Variants in FOXO3 observed in about 807,000 individuals in gnomAD.
The protein encoded by FOXO3 is forkhead box O3, also known as forkhead box protein O3.
FOXO3 carries 4 observed loss-of-function variants against 41.9 expected under a neutral mutation model. The ratio of observed to expected loss-of-function variants is 0.10; its 90% CI spans 0.05 to 0.22. The LOEUF is 0.22. FOXO3 is among the 10% of genes least tolerant of loss of function. The pLI is 1.00. For synonymous variants in FOXO3, 318 were observed against 389.3 expected, an observed-to-expected ratio of 0.82 and a Z score of 2.16; for missense variants, 534 against 906.8, an observed-to-expected ratio of 0.59 and a Z score of 5.28.
chr6:108,656,479 T>G (rs1778691945), intron 1 of FOXO3: 1 of 985,296 alleles, frequency 1.0e-6, no homozygotes, highest in East Asian at 1.1e-4. Flanking sequence ...TTTGAAATCC[T>G]TTCCTGGAAG....
At chr6:108,569,828 T>C (rs567584760) in intron 1 of FOXO3, among the ~76,000 whole-genome samples, 1 of 151,866 alleles carries the variant, frequency 6.6e-6, no homozygotes, top group African/African-American at 2.4e-5. Context: ...AACAAACAAA[T>C]AAACAAACAG....
chr6:108,597,633 A>G (rs1333797132), intron 1 of FOXO3, among the ~76,000 whole-genome samples: 1 of 152,204 alleles, frequency 6.6e-6, no homozygotes, highest in Non-Finnish European at 1.5e-5. Context: ...ACCAGTCTCC[A>G]GAGTCCATGG....
At chr6:108,621,701 C>T (rs1777667980) in intron 1 of FOXO3, among the ~76,000 whole-genome samples, 1 of 152,120 alleles carries the variant, frequency 6.6e-6, no homozygotes, top group African/African-American at 2.4e-5. Context: ...TACCTGAAGC[C>T]TCACAGTGGC....
chr6:108,560,379 C>A (rs1196438481), upstream of FOXO3, among the ~76,000 whole-genome samples: 1 of 152,222 alleles, frequency 6.6e-6, no homozygotes, highest in East Asian at 1.9e-4. Context: ...GTGGCCGTCC[C>A]CGCCGGGCTC....
chr6:108,611,793 G>A (rs1462922048), intron 1 of FOXO3, among the ~76,000 whole-genome samples: 3 of 151,350 alleles, frequency 2.0e-5, no homozygotes, highest in African/African-American at 7.3e-5. Context: ...AGTATTGCCA[G>A]TACTTTTTCT....
chr6:108,620,662 G>A (rs1390051350), intron 1 of FOXO3, among the ~76,000 whole-genome samples: 1 of 121,626 alleles, frequency 8.2e-6, no homozygotes, highest in Admixed American at 9.2e-5. Flanking sequence ...TTTGTTTATA[G>A]TAATAACAAT....
chr6:108,561,751 C>T lies in FOXO3; in HGVS notation c.543C>T (p.Ser181=). The part of the protein sequence containing the change: ...ESSPDKRLTL[S]QIYEWMVRCV... ...CCCCGGACAAACGGCTCACTCTGTC[C>T]CAGATCTACGAGTGGATGGTGCGTT... Residue 181 remains serine, a synonymous_variant, in exon 1 of 3, where the codon TCC becomes TCT. Coordinates refer to ENST00000406360, the MANE Select transcript of FOXO3 (RefSeq NM_001455.4). 5.6e-6 allele frequency: 9 copies of T among 1,606,904 alleles called. No homozygotes were observed. Among genetic ancestry groups the T allele is most frequent in the Non-Finnish European group, 7.6e-6 (9 of 1,177,222 alleles).
intron 1 of FOXO3, among the ~76,000 whole-genome samples, chr6:108,568,101 T>C (rs1775994849): frequency 2.0e-5 from 3 of 151,514 alleles, no homozygotes; most frequent in Non-Finnish European, 1.5e-5. Context: ...TAGTCCCAGC[T>C]GCTTGAGAGG....
chr6:108,681,023 C>CA lies in FOXO3; in HGVS notation c.*1233dup, dbSNP rs1770828741. 1 of 152,634 alleles carries CA rather than the reference C, an allele frequency of 6.6e-6. No homozygotes were observed. Among genetic ancestry groups the CA allele is most frequent in the Non-Finnish European group, 1.5e-5 (1 of 68,042 alleles). 9.5% of individuals were successfully genotyped at this position (152,634 alleles called of 1,614,324 possible). A position where few individuals can be genotyped will look rare whatever the true frequency, so the allele number is the denominator to read the frequency against. Reference sequence around the variant, plus strand: ...TTAGGTTGTAATTGTACAAGTGACTCAATGGAAGTACAAAATAGGGCAGTT... The same window carrying CA: ...TTAGGTTGTAATTGTACAAGTGACTCAAATGGAAGTACAAAATAGGGCAGTT... On this transcript the variant is annotated 3_prime_UTR_variant, in exon 3 of 3. Coordinates refer to ENST00000406360, the MANE Select transcript of FOXO3 (RefSeq NM_001455.4).
intron 2 of FOXO3, among the ~76,000 whole-genome samples, chr6:108,672,074 A>T (rs1779230406): frequency 6.6e-6 from 1 of 152,206 alleles, no homozygotes; most frequent in Admixed American, 6.5e-5. Context: ...CAGCTGCCTT[A>T]GAGCCTCAAG....
At chr6:108,645,852 A>T (rs1490285979) in intron 1 of FOXO3, among the ~76,000 whole-genome samples, 1 of 152,236 alleles carries the variant, frequency 6.6e-6, no homozygotes, top group Non-Finnish European at 1.5e-5. Context: ...AATCTAATTT[A>T]TACTAAAGTT....
chr6:108,570,394 G>C (rs1285328992), intron 1 of FOXO3, among the ~76,000 whole-genome samples: 1 of 152,034 alleles, frequency 6.6e-6, no homozygotes, highest in African/African-American at 2.4e-5. Context: ...GCTCTCCACA[G>C]CTTCAAACTC....
chr6:108,580,061 T>C lies in FOXO3; in HGVS notation c.621+18232T>C, dbSNP rs1468975482. 3.3e-5 allele frequency among the ~76,000 whole-genome samples: 5 copies of C among 152,136 alleles called. No individual in the cohort carries two copies. In the East Asian group the frequency reaches 9.6e-4, roughly 29 times the overall value. On this transcript the variant is annotated intron_variant, in intron 1 of 2. Coordinates refer to ENST00000406360, the MANE Select transcript of FOXO3 (RefSeq NM_001455.4). ...TGTTGGTGTGAATGGGTGTGATGTA[T>C]ACAGTCATAACCTTAGATTTATCTA...
intron 2 of FOXO3, among the ~76,000 whole-genome samples, chr6:108,670,866 C>T (rs1429244601): frequency 1.3e-5 from 2 of 152,100 alleles, no homozygotes; most frequent in Non-Finnish European, 2.9e-5. Context: ...GGCTAGCTGC[C>T]CGGCAAAGTG....
chr6:108,588,402 C>A lies in FOXO3; in HGVS notation c.621+26573C>A, dbSNP rs541402461. Among the ~76,000 whole-genome samples the A allele has an allele frequency of 3.9e-5, 6 of 152,048 alleles. No homozygotes were observed. In the South Asian group the frequency reaches 1.2e-3, roughly 31 times the overall value. ...AAAAAGGTAAATGGAGGCAGTTGCA[C>A]AATTACATTTGTTTAATGAGCTTTT... On this transcript the variant is annotated intron_variant, in intron 1 of 2. Transcript: ENST00000406360.
At chr6:108,661,262 T>C (rs1031271583) in intron 1 of FOXO3, among the ~76,000 whole-genome samples, 1 of 151,992 alleles carries the variant, frequency 6.6e-6, no homozygotes, top group South Asian at 2.1e-4. Flanking sequence ...GGGAACATTC[T>C]GGTAGAAGCA....
chr6:108,617,681 T>C (rs894044694), intron 1 of FOXO3, among the ~76,000 whole-genome samples: 2 of 152,202 alleles, frequency 1.3e-5, no homozygotes, highest in African/African-American at 4.8e-5. Context: ...CTTACTGGAA[T>C]ATGAAGAGCA....
chr6:108,676,176 G>C (rs1057363667), intron 2 of FOXO3, among the ~76,000 whole-genome samples: 1 of 152,114 alleles, frequency 6.6e-6, no homozygotes, highest in Non-Finnish European at 1.5e-5. Context: ...TTGTTTATTG[G>C]GCAGGGAGGG....
At chr6:108,578,128 G>T (rs534268099) in intron 1 of FOXO3, among the ~76,000 whole-genome samples, 9 of 152,276 alleles carry the variant, frequency 5.9e-5, no homozygotes, top group African/African-American at 2.2e-4. Context: ...GAAGGTAATG[G>T]TTCTCCAAGT....
Sources: gnomAD v4.1 joint callset for allele counts (sites outside exome capture counted in the v4.1 genomes callset) on GRCh38, gnomAD v4.1.1 for gene constraint, MANE v1.5 for transcripts, NCBI Gene and HGNC (gene_info 2026-07-23, HGNC 2026-07-21) for gene names.